BABAM2: variants seen among roughly 807,000 people sequenced by gnomAD.
BABAM2 encodes BRISC and BRCA1-A complex member 2.
Under a neutral mutation model 54.7 loss-of-function variants are expected in BABAM2, and 31 were observed. The ratio of observed to expected loss-of-function variants is 0.57; its 90% CI spans 0.43 to 0.77. The LOEUF (loss-of-function observed/expected upper bound fraction) is 0.77. BABAM2 is among the 30% of genes least tolerant of loss of function. The pLI, the probability that BABAM2 is intolerant of heterozygous loss-of-function variation, is 0.00. For missense variants in BABAM2, 364 were observed against 455.8 expected (o/e 0.80, Z 1.83); for synonymous variants, 167 against 162.9 (o/e 1.03, Z -0.19).
At chr2:28,337,511 C>T (rs976441769) in intron 11 of BABAM2, among the ~76,000 whole-genome samples, 6 of 152,006 alleles carry the variant, frequency 3.9e-5, no homozygotes, top group East Asian at 1.9e-4. Flanking sequence ...TGAGGTAGAA[C>T]GTGGCCCTGC....
In BABAM2 at chr2:28,029,091, T is replaced by C. The variant is rs186009910; in HGVS notation, c.495+3671T>C. 7.9e-4 allele frequency among the ~76,000 whole-genome samples: 120 copies of C among 152,332 alleles called. No individual in the cohort carries two copies. In the Middle Eastern group the frequency reaches 0.017, roughly 22 times the overall value. On this transcript the variant is annotated intron_variant, in intron 5 of 11. Transcript: ENST00000379624. ...CTCTTCGGCTTTTTCTTAAAGGTTA[T>C]GATTTTAAGGTTTTACACATGATTA...
chr2:27,941,981 A>G (rs950320634), intron 3 of BABAM2, among the ~76,000 whole-genome samples: 1 of 152,166 alleles, frequency 6.6e-6, no homozygotes, highest in African/African-American at 2.4e-5. Flanking sequence ...TCTACCTGAA[A>G]TTCAACTTCA....
intron 4 of BABAM2, among the ~76,000 whole-genome samples, chr2:27,991,459 G>A (rs939479459): frequency 6.6e-6 from 1 of 152,180 alleles, no homozygotes; most frequent in Non-Finnish European, 1.5e-5. Context: ...TATGTTCACA[G>A]AATTGTGCAG....
chr2:28,219,987 G>C (rs1390078242), intron 7 of BABAM2, among the ~76,000 whole-genome samples: 1 of 152,176 alleles, frequency 6.6e-6, no homozygotes, highest in Non-Finnish European at 1.5e-5. Flanking sequence ...CCTGAATTTT[G>C]TCCCTCACTT....
intron 4 of BABAM2, chr2:28,016,568 T>C (rs1036979391): frequency 1.2e-5 from 7 of 574,280 alleles, no homozygotes; most frequent in Non-Finnish European, 2.2e-5. Flanking sequence ...GTGCATTTCT[T>C]TCTAATTAAC....
At chr2:27,923,049 T>G (rs1212662995) in intron 2 of BABAM2, among the ~76,000 whole-genome samples, 1 of 152,194 alleles carries the variant, frequency 6.6e-6, no homozygotes, top group Non-Finnish European at 1.5e-5. Flanking sequence ...GACAGCAGCT[T>G]CATGGGAGAC....
chr2:27,902,625 T>C (rs1337103389), intron 2 of BABAM2, among the ~76,000 whole-genome samples: 1 of 152,210 alleles, frequency 6.6e-6, no homozygotes, highest in Non-Finnish European at 1.5e-5. Context: ...TCTTTTAATA[T>C]GCTTATTGGC....
In BABAM2 at chr2:28,277,045, G is replaced by A. The variant is rs754399507; in HGVS notation, c.935-21293G>A. On this transcript the variant is annotated intron_variant, in intron 10 of 11. Transcript: ENST00000379624. ...AGCCTCATGCTTGGCTATCTCCCTC[G>A]TCACTGACACACACTGATGACATAG... 3.9e-5 allele frequency among the ~76,000 whole-genome samples: 6 copies of A among 152,086 alleles called. No homozygotes were observed. In the East Asian group the frequency reaches 5.8e-4, roughly 15 times the overall value.
intron 7 of BABAM2, among the ~76,000 whole-genome samples, chr2:28,161,283 C>T (rs1017132678): frequency 1.3e-5 from 2 of 152,100 alleles, no homozygotes; most frequent in Admixed American, 6.5e-5. Context: ...ACGGGCTTCA[C>T]TGTGTCTCCT....
chr2:28,137,886 C>G (rs1487949646), intron 7 of BABAM2, among the ~76,000 whole-genome samples: 1 of 152,144 alleles, frequency 6.6e-6, no homozygotes, highest in Non-Finnish European at 1.5e-5. Context: ...ATGCTATACT[C>G]CTCTCTACAG....
chr2:28,204,466 C>G (rs1456329745), intron 7 of BABAM2, among the ~76,000 whole-genome samples: 3 of 151,980 alleles, frequency 2.0e-5, no homozygotes, highest in African/African-American at 7.2e-5. Context: ...TCAGCAGTTA[C>G]CCACAGTATG....
intron 5 of BABAM2, among the ~76,000 whole-genome samples, chr2:28,025,676 G>A (rs1675602496): frequency 6.6e-6 from 1 of 152,204 alleles, no homozygotes; most frequent in Admixed American, 6.5e-5. Context: ...CAGAGGTGGA[G>A]CCTGAGGGCC....
intron 6 of BABAM2, among the ~76,000 whole-genome samples, chr2:28,126,575 G>C (rs1669561012): frequency 1.4e-5 from 2 of 142,598 alleles, no homozygotes; most frequent in Admixed American, 1.4e-4. Context: ...CCAAGTCTTT[G>C]CTATCGTGAA....
chr2:28,244,243 G>C (rs1419733474), intron 9 of BABAM2, among the ~76,000 whole-genome samples: 1 of 152,084 alleles, frequency 6.6e-6, no homozygotes, highest in Non-Finnish European at 1.5e-5. Context: ...CCCTAACCCA[G>C]CTCAAGAAGA....
At chr2:28,288,557 C>T (rs532236176) in intron 10 of BABAM2, among the ~76,000 whole-genome samples, 1 of 152,182 alleles carries the variant, frequency 6.6e-6, no homozygotes, top group East Asian at 1.9e-4. Flanking sequence ...AACTCCTGAC[C>T]TCAGGTGATC....
At chr2:28,289,420 C>T (rs1025160414) in intron 10 of BABAM2, among the ~76,000 whole-genome samples, 3 of 152,128 alleles carry the variant, frequency 2.0e-5, no homozygotes, top group African/African-American at 7.2e-5. Flanking sequence ...ACTATGAAAA[C>T]AAATACCCAT....
At chr2:28,099,546 G>A (rs1289941607) in intron 6 of BABAM2, among the ~76,000 whole-genome samples, 1 of 152,134 alleles carries the variant, frequency 6.6e-6, no homozygotes, top group Non-Finnish European at 1.5e-5. Context: ...AACTCTGCTT[G>A]TTCATAGGAA....
intron 3 of BABAM2, among the ~76,000 whole-genome samples, chr2:27,956,129 G>T (rs1670064468): frequency 1.3e-5 from 2 of 152,036 alleles, no homozygotes; most frequent in Admixed American, 6.5e-5. Context: ...TTATACTTCT[G>T]AGTTGTCTTC....
chr2:28,272,650 C>T (rs1049691127), intron 10 of BABAM2, among the ~76,000 whole-genome samples: 5 of 152,102 alleles, frequency 3.3e-5, no homozygotes, highest in Admixed American at 6.5e-5. Flanking sequence ...CGGGGCTCCA[C>T]GTAAACCAAC....
Sources: allele counts gnomAD v4.1 joint callset (sites outside exome capture counted in the v4.1 genomes callset), GRCh38; gene constraint gnomAD v4.1.1; transcripts MANE v1.5; gene names NCBI Gene and HGNC (gene_info 2026-07-23, HGNC 2026-07-21).